Variants in PHEX observed in about 807,000 individuals in gnomAD.
PHEX encodes the protein phosphate-regulating neutral endopeptidase PHEX.
Under a neutral mutation model 68.0 loss-of-function variants are expected in PHEX, and 16 were observed. The observed-to-expected ratio is 0.24, with a 90% CI of 0.16 to 0.36. PHEX has a LOEUF of 0.36. Ranked by LOEUF, PHEX falls within the 10% of genes least tolerant of loss-of-function variation. The pLI, the probability that PHEX is intolerant of heterozygous loss-of-function variation, is 1.00. For missense variants in PHEX, 480 were observed against 575.5 expected (o/e 0.83, Z 1.70); for synonymous variants, 208 against 205.1 (o/e 1.01, Z -0.12).
At chrX:22,216,025 A>T (rs1317020395) in intron 16 of PHEX, among the ~76,000 whole-genome samples, 1 of 111,356 alleles carries the variant, frequency 9.0e-6, no homozygotes, top group Non-Finnish European at 1.9e-5. Flanking sequence ...CATTATGGAG[A>T]GCTATTACGT....
chrX:22,109,215 C>A (rs1930845341), intron 9 of PHEX, among the ~76,000 whole-genome samples: 1 of 111,445 alleles, frequency 9.0e-6, no homozygotes, highest in Non-Finnish European at 1.9e-5. Flanking sequence ...AGGACAATGG[C>A]AATCTGACAA....
intron 12 of PHEX, 29 bp downstream of exon 12, chrX:22,133,653 T>A (rs1414109208): frequency 9.5e-7 from 1 of 1,047,413 alleles, no homozygotes; most frequent in South Asian, 1.9e-5. Context: ...GAAAAAAAAA[T>A]AAGACTTCTG....
rs146055519 is a variant in PHEX, at chrX:22,221,662, A to G, written c.1818A>G (p.Glu606=). 32 of 1,193,892 alleles carry G rather than the reference A, an allele frequency of 2.7e-5. No homozygotes were observed. In the African/African-American group the frequency reaches 5.1e-4, roughly 19 times the overall value. The part of the protein sequence containing the change: ...NGNLDPWWST[E]SEEKFKEKTK... ...ACCTGGATCCTTGGTGGTCTACTGA[A>G]TCAGAAGAAAAGTTTAAGGAAAAAA... Residue 606 remains glutamate (E), a synonymous_variant, in exon 18 of 22, where the codon GAA becomes GAG. Transcript: ENST00000379374.
intron 3 of PHEX, among the ~76,000 whole-genome samples, chrX:22,049,102 ACTTTT>A (rs1317726387): frequency 1.8e-5 from 2 of 111,921 alleles, no homozygotes; most frequent in African/African-American, 6.5e-5. Context: ...TCAGTAGATA[ACTTTT>A]CTTTTCTTTC....
chrX:22,128,229 C>CT lies in PHEX; in HGVS notation c.1303-5287dup, dbSNP rs774519856. On this transcript the variant is annotated intron_variant, in intron 11 of 21. Coordinates refer to ENST00000379374, the MANE Select transcript of PHEX (RefSeq NM_000444.6). The stretch of plus-strand genomic sequence containing the variant: ...ATGTGCCACCACACCTGGCTAATTT[C>CT]TTTTTTTGTATCTAGTAGAGACGGG... Among the ~76,000 whole-genome samples, 259 of 107,797 alleles carry CT rather than the reference C, an allele frequency of 2.4e-3. 1 individual carries two copies. The highest frequency in any genetic ancestry group is 4.4e-3 in the Non-Finnish European group (230 of 52,219). The allele number at this position is 107,797 out of a possible 115,157, so 93.6% of individuals were successfully genotyped here. A position where few individuals can be genotyped will look rare whatever the true frequency, so the allele number is the denominator to read the frequency against.
At chrX:22,176,373 C>T (rs1427264909) in intron 13 of PHEX, among the ~76,000 whole-genome samples, 2 of 70,143 alleles carry the variant, frequency 2.9e-5, no homozygotes, top group African/African-American at 1.2e-4. Flanking sequence ...GGTGACAGAG[C>T]GAGACTGTCT....
At chrX:22,117,853 C>T (rs1931300771) in intron 11 of PHEX, among the ~76,000 whole-genome samples, 1 of 110,948 alleles carries the variant, frequency 9.0e-6, no homozygotes, top group South Asian at 3.9e-4. Flanking sequence ...TCAGGGAATA[C>T]TTAGGTTGGA....
intron 3 of PHEX, among the ~76,000 whole-genome samples, chrX:22,061,949 A>C (rs1446857432): frequency 1.8e-5 from 2 of 111,765 alleles, no homozygotes; most frequent in East Asian, 5.6e-4. Flanking sequence ...AGGAAACTGA[A>C]AATCATGGCG....
At chrX:22,073,341 G>T (rs935412142) in intron 3 of PHEX, among the ~76,000 whole-genome samples, 1 of 112,585 alleles carries the variant, frequency 8.9e-6, no homozygotes, top group African/African-American at 3.2e-5. Context: ...GCACAATCCT[G>T]GGAAGCATGT....
intron 11 of PHEX, among the ~76,000 whole-genome samples, chrX:22,131,595 T>A (rs774819088): frequency 3.5e-5 from 4 of 113,036 alleles, no homozygotes; most frequent in Non-Finnish European, 5.6e-5. Flanking sequence ...GATTTATAGC[T>A]CTGGTTCCCT....
intron 2 of PHEX, among the ~76,000 whole-genome samples, chrX:22,039,375 G>A (rs1191957778): frequency 1.8e-5 from 2 of 112,168 alleles, no homozygotes; most frequent in Non-Finnish European, 3.8e-5. Context: ...TAAAGTGGCC[G>A]CAGTTTTGCC....
intron 20 of PHEX, among the ~76,000 whole-genome samples, chrX:22,231,590 T>C (rs1347764721): frequency 5.4e-5 from 6 of 112,027 alleles, no homozygotes; most frequent in Non-Finnish European, 1.1e-4. Flanking sequence ...TGATGGTAGT[T>C]TGAATTTCTG....
At chrX:22,127,056 G>C (rs138667953) in intron 11 of PHEX, among the ~76,000 whole-genome samples, 3 of 108,354 alleles carry the variant, frequency 2.8e-5, no homozygotes, top group African/African-American at 1.0e-4. Context: ...ATTTTTAGTA[G>C]AGACAGGGTT....
intron 9 of PHEX, among the ~76,000 whole-genome samples, chrX:22,111,078 T>G (rs1930942090): frequency 1.8e-5 from 2 of 112,620 alleles, no homozygotes; most frequent in African/African-American, 6.4e-5. Context: ...GGTTTTTTCC[T>G]TATCAACTGT....
At chrX:22,233,686 T>C (rs1266243958) in intron 20 of PHEX, among the ~76,000 whole-genome samples, 2 of 111,370 alleles carry the variant, frequency 1.8e-5, no homozygotes, top group South Asian at 3.8e-4. Context: ...TCCTCTAAAC[T>C]GGTTATTCTA....
At chrX:22,240,278 G>GAAA (rs1454305327) in intron 20 of PHEX, among the ~76,000 whole-genome samples, 2 of 112,062 alleles carry the variant, frequency 1.8e-5, no homozygotes, top group Admixed American at 9.4e-5. Context: ...ACCAGCCACT[G>GAAA]AAAAACACCA....
At chrX:22,084,664 T>C (rs1359906876) in intron 5 of PHEX, among the ~76,000 whole-genome samples, 1 of 109,829 alleles carries the variant, frequency 9.1e-6, no homozygotes, top group Non-Finnish European at 1.9e-5. Flanking sequence ...CCTTTTATTA[T>C]GGCTTCAATC....
At chrX:22,132,535 A>C (rs887792848) in intron 11 of PHEX, among the ~76,000 whole-genome samples, 1 of 112,058 alleles carries the variant, frequency 8.9e-6, no homozygotes, top group African/African-American at 3.2e-5. Flanking sequence ...ATCTGGAAAG[A>C]ACTGGGGTCC....
chrX:22,204,063 C>T (rs1443788008), intron 15 of PHEX, among the ~76,000 whole-genome samples: 1 of 111,083 alleles, frequency 9.0e-6, no homozygotes, highest in Non-Finnish European at 1.9e-5. Flanking sequence ...AGCAAAATTC[C>T]CCAGGTGATG....
Sources: allele counts gnomAD v4.1 joint callset (sites outside exome capture counted in the v4.1 genomes callset), GRCh38; gene constraint gnomAD v4.1.1; transcripts MANE v1.5; gene names NCBI Gene and HGNC (gene_info 2026-07-23, HGNC 2026-07-21).